Variants in AXIN1 observed in about 807,000 individuals in gnomAD.
AXIN1 encodes axin 1, also known as axin-1.
AXIN1 carries 30 observed loss-of-function variants against 76.4 expected under a neutral mutation model. That is an observed-to-expected ratio of 0.39 (90% confidence interval 0.29 to 0.53). AXIN1 has a LOEUF of 0.53. Ranked by LOEUF, AXIN1 falls within the 20% of genes least tolerant of loss-of-function variation. The pLI is 0.66. For missense variants in AXIN1, 1,140 were observed against 1,198.8 expected (o/e 0.95, Z 0.72); for synonymous variants, 545 against 501.4 (o/e 1.09, Z -1.16).
chr16:290,817 C>T (rs140725871), intron 9 of AXIN1: 160 of 385,878 alleles, frequency 4.1e-4, no homozygotes, highest in African/African-American at 3.0e-3. Context: ...CCTGCAGCCC[C>T]GAGCCTGGTC....
At chr16:327,470 C>T (rs533033890) in intron 2 of AXIN1, among the ~76,000 whole-genome samples, 1 of 152,350 alleles carries the variant, frequency 6.6e-6, no homozygotes, top group South Asian at 2.1e-4. Flanking sequence ...CTGCGGCCAG[C>T]CTTTTCTTTG....
At position 293,419 on chromosome 16, in the gene AXIN1, G is replaced by A; in HGVS notation, c.2186+69C>T. On this transcript the variant is annotated intron_variant, in intron 8 of 10. Coordinates refer to ENST00000262320, the MANE Select transcript of AXIN1 (RefSeq NM_003502.4). This position sits in a 1 kb window ranked among gnomAD's most constrained non-coding sequence, Gnocchi z 4.6. ...TCCCCTGAAGACCTCAGGCCTCGGG[G>A]AGCTTCAGCCCCAGGAGTGGTGCTG... 1 of 1,501,522 alleles carries A rather than the reference G, an allele frequency of 6.7e-7. No individual in the cohort carries two copies. The allele number at this position is 1,501,522 out of a possible 1,614,324, so 93.0% of individuals were successfully genotyped here.
rs1011912057 is a variant in AXIN1 at position 293,846 on chromosome 16, C to T, written c.1956-128G>A. 2 of 880,620 alleles carry T rather than the reference C, an allele frequency of 2.3e-6. No individual in the cohort carries two copies. Among genetic ancestry groups the T allele is most frequent in the Admixed American group, 1.9e-5 (1 of 54,052 alleles). 54.6% of individuals were successfully genotyped at this position (880,620 alleles called of 1,614,324 possible). On this transcript the variant is annotated intron_variant, in intron 7 of 10. Transcript: ENST00000262320. The surrounding 1 kb of genome is among the most constrained non-coding windows in gnomAD (Gnocchi z 4.6). Reference sequence around the variant, plus strand: ...GATGGGATGGGGCACTGGGGCCTGGCCACCAAGCCACATGGACGTCCTCCA... The same window carrying T: ...GATGGGATGGGGCACTGGGGCCTGGTCACCAAGCCACATGGACGTCCTCCA...
At chr16:319,274 G>A (rs1250116701) in intron 2 of AXIN1, among the ~76,000 whole-genome samples, 1 of 152,118 alleles carries the variant, frequency 6.6e-6, no homozygotes, top group African/African-American at 2.4e-5. Flanking sequence ...GGAGTCTGCA[G>A]TAAGATATGA....
intron 2 of AXIN1, among the ~76,000 whole-genome samples, chr16:341,904 ACT>A (rs1415215570): frequency 1.2e-4 from 18 of 152,256 alleles, no homozygotes; most frequent in Non-Finnish European, 1.8e-4. Flanking sequence ...TTGTGTGGAC[ACT>A]CTGTATCTAG....
At chr16:296,386 C>T (rs529847073) in intron 7 of AXIN1, among the ~76,000 whole-genome samples, 22 of 152,396 alleles carry the variant, frequency 1.4e-4, no homozygotes, top group Non-Finnish European at 2.1e-4. Context: ...CCAGGGCCAA[C>T]ACTTCCCAGC....
At chr16:313,294 T>C (rs1280241819) in intron 3 of AXIN1, among the ~76,000 whole-genome samples, 3 of 152,192 alleles carry the variant, frequency 2.0e-5, no homozygotes, top group Non-Finnish European at 2.9e-5. Context: ...AGTGAGATCC[T>C]GTCTCAAAAT....
At chr16:301,378 G>T (rs2141532013) in intron 5 of AXIN1, among the ~76,000 whole-genome samples, 1 of 152,204 alleles carries the variant, frequency 6.6e-6, no homozygotes, top group African/African-American at 2.4e-5. Flanking sequence ...ACACACCTGT[G>T]GGCACTGCCA....
intron 2 of AXIN1, among the ~76,000 whole-genome samples, chr16:326,368 AAAAAAT>A (rs1236390630): frequency 0.017 from 1,550 of 90,284 alleles, 18 homozygotes; most frequent in African/African-American, 0.062. Context: ...AAAAAAAAAA[AAAAAAT>A]ATATATATAT....
Position 287,834 on chromosome 16 carries a change from G to GGC in AXIN1, c.*287_*288insGC. 1.9e-6 allele frequency: 1 copy of GGC among 528,484 alleles called. No individual in the cohort carries two copies. Among genetic ancestry groups the GGC allele is most frequent in the East Asian group, 3.2e-5 (1 of 30,864 alleles). The allele number at this position is 528,484 out of a possible 1,614,324, so 32.7% of individuals were successfully genotyped here. A position where few individuals can be genotyped will look rare whatever the true frequency, so the allele number is the denominator to read the frequency against. On this transcript the variant is annotated 3_prime_UTR_variant, in exon 11 of 11. Transcript: ENST00000262320. The stretch of plus-strand genomic sequence containing the variant: ...AAGGGAGGTGCCGGGGGATGGGGGG[G>GGC]GGTCACCTGAAGCTGGCAGCAGGGA...
intron 5 of AXIN1, among the ~76,000 whole-genome samples, chr16:300,114 G>A (rs1198415874): frequency 3.3e-5 from 5 of 151,622 alleles, no homozygotes; most frequent in African/African-American, 4.9e-5. Flanking sequence ...TAAATTTTTT[G>A]TATTTTTAGT....
rs2141514375 is a variant in AXIN1, at chr16:298,098, T to A, written c.1408A>T (p.Ile470Phe). 1 of 1,550,392 alleles carries A rather than the reference T, an allele frequency of 6.4e-7. No homozygotes were observed. ...ACACGCTGTACGTGCTCGTCCAGGA[T>A]GCTCTCAGGGTTCTCCTCGTGTGCA... ...RDAHEENPES[I>F]LDEHVQRVLR... The change falls in exon 6 of 11, where the codon ATC becomes TTC. Residue 470 changes from isoleucine (I) to phenylalanine (F), a missense_variant. By Grantham distance (21) the Ile-to-Phe change is conservative. This residue lies in a region of AXIN1 where 708 missense variants were observed against 776.9 expected (regional missense o/e 0.91). Coordinates refer to ENST00000262320, the MANE Select transcript of AXIN1 (RefSeq NM_003502.4).
chr16:322,045 C>G (rs957953161), intron 2 of AXIN1, among the ~76,000 whole-genome samples: 1 of 152,226 alleles, frequency 6.6e-6, no homozygotes, highest in African/African-American at 2.4e-5. Flanking sequence ...AAGCCCAATT[C>G]CAAGTGAGCT....
chr16:341,428 G>A (rs2053918073), intron 2 of AXIN1, among the ~76,000 whole-genome samples: 1 of 152,266 alleles, frequency 6.6e-6, no homozygotes, highest in South Asian at 2.1e-4. Context: ...CGGAGGGTGT[G>A]CTGGGTCCCC....
Position 289,580 on chromosome 16 carries a change from G to A in AXIN1, c.2322C>T (p.Gly774=), listed in dbSNP as rs147074321. ...TGCTGTCACACGGCTGGGCACTCCCGCCGCCCACCTTCCTCTGCGATCTTG... is the reference window on the plus strand; with the variant it reads ...TGCTGTCACACGGCTGGGCACTCCCACCGCCCACCTTCCTCTGCGATCTTG... ...TETRSQRKVG[G]GSAQPCDSIV... Residue 774 remains glycine, a synonymous_variant, in exon 10 of 11, where the codon GGC becomes GGT. Transcript: ENST00000262320. The A allele has an allele frequency of 4.9e-4, 792 of 1,612,834 alleles. 1 individual carries two copies. Among genetic ancestry groups the A allele is most frequent in the Admixed American group, 1.3e-3 (78 of 60,000 alleles).
intron 2 of AXIN1, among the ~76,000 whole-genome samples, chr16:330,342 A>C (rs1280521814): frequency 1.3e-5 from 2 of 151,726 alleles, no homozygotes; most frequent in Non-Finnish European, 2.9e-5. Flanking sequence ...GGGATTACAG[A>C]TGTGAGCCAC....
chr16:321,550 C>T (rs556592231), intron 2 of AXIN1, among the ~76,000 whole-genome samples: 24 of 152,244 alleles, frequency 1.6e-4, no homozygotes, highest in Non-Finnish European at 3.4e-4. Context: ...AGGCTGTGTC[C>T]TGATAAACCT....
chr16:348,931 T>C (rs2054087220), intron 1 of AXIN1, among the ~76,000 whole-genome samples: 1 of 150,872 alleles, frequency 6.6e-6, no homozygotes, highest in East Asian at 2.0e-4. Flanking sequence ...ACCCCATCTC[T>C]ACTAAAAATA....
chr16:300,828 G>C (rs1379722626), intron 5 of AXIN1, among the ~76,000 whole-genome samples: 4 of 152,184 alleles, frequency 2.6e-5, no homozygotes, highest in African/African-American at 9.7e-5. Context: ...AAAAGTGTTT[G>C]GAGTTTTGAT....
Sources: gnomAD v4.1 joint callset for allele counts (sites outside exome capture counted in the v4.1 genomes callset) on GRCh38, gnomAD v4.1.1 for gene constraint, gnomAD v4.1.1 regional missense constraint, Gnocchi (gnomAD v3.1) non-coding constraint, MANE v1.5 for transcripts, NCBI Gene and HGNC (gene_info 2026-07-23, HGNC 2026-07-21) for gene names.